The following LRP1B variants were observed in gnomAD, a reference collection of about 807,000 sequenced individuals.
The protein encoded by LRP1B is low-density lipoprotein receptor-related protein 1B.
In LRP1B, 217 loss-of-function variants were observed where a neutral mutation model predicts 556.6. The ratio of observed to expected loss-of-function variants is 0.39; its 90% confidence interval spans 0.35 to 0.44. The LOEUF is 0.44. LRP1B is among the 20% of genes least tolerant of loss of function. The pLI, the probability that LRP1B is intolerant of heterozygous loss-of-function variation, is 1.00. For synonymous variants in LRP1B, 2,047 were observed against 1,865.8 expected, an observed-to-expected ratio of 1.10 and a Z score of -2.50; for missense variants, 5,053 against 5,620.8, an observed-to-expected ratio of 0.90 and a Z score of 3.23.
intron 3 of LRP1B, among the ~76,000 whole-genome samples, chr2:141,456,146 G>C (rs1681620595): frequency 6.6e-6 from 1 of 152,212 alleles, no homozygotes. Context: ...CAGTACTATA[G>C]CGTTTTCCCT....
chr2:141,876,294 G>A (rs984299262), intron 1 of LRP1B, among the ~76,000 whole-genome samples: 3 of 151,824 alleles, frequency 2.0e-5, no homozygotes, highest in African/African-American at 7.2e-5. Context: ...AAAATCAGTT[G>A]TTTATATTTT....
chr2:141,566,381 T>A (rs1686332354), intron 2 of LRP1B, among the ~76,000 whole-genome samples: 1 of 152,158 alleles, frequency 6.6e-6, no homozygotes, highest in Non-Finnish European at 1.5e-5. Flanking sequence ...GTAGAAATAG[T>A]GACTTTATGC....
At chr2:141,225,167 A>G (rs1283100828) in intron 6 of LRP1B, among the ~76,000 whole-genome samples, 1 of 152,132 alleles carries the variant, frequency 6.6e-6, no homozygotes, top group Admixed American at 6.6e-5. Flanking sequence ...ATAAGCAGTT[A>G]TTTTATTTTT....
At chr2:140,331,706 T>TATAA (rs1553448649) in intron 79 of LRP1B, among the ~76,000 whole-genome samples, 2 of 146,954 alleles carry the variant, frequency 1.4e-5, no homozygotes, top group East Asian at 4.0e-4. Flanking sequence ...TATATATATA[T>TATAA]AATTTTAAAA....
chr2:141,399,238 A>G (rs1259713354), intron 3 of LRP1B, among the ~76,000 whole-genome samples: 1 of 141,824 alleles, frequency 7.1e-6, no homozygotes, highest in Admixed American at 6.8e-5. Flanking sequence ...CCTGGGAGAC[A>G]GAGCGGGACT....
chr2:140,770,277 C>A (rs111442267), intron 34 of LRP1B, among the ~76,000 whole-genome samples: 3,564 of 151,790 alleles, frequency 0.023, 76 homozygotes, highest in South Asian at 0.098. Context: ...AATGATAATA[C>A]ATATATAGAT....
chr2:140,804,648 A>ATTTTTTTTTTTTTTTTTTTTTTTTTT (rs1690646115), intron 32 of LRP1B, among the ~76,000 whole-genome samples: 2 of 103,892 alleles, frequency 1.9e-5, no homozygotes, highest in Non-Finnish European at 3.8e-5. Flanking sequence ...GGTAAAAACT[A>ATTTTTTTTTTTTTTTTTTTTTTTTTT]ATTTTTTTTT....
At chr2:140,487,818 A>T in intron 57 of LRP1B, 79 bp from the exon 58 acceptor site, 1 of 917,758 alleles carries the variant, frequency 1.1e-6, no homozygotes, top group South Asian at 1.6e-5. Context: ...TACAGGAATC[A>T]CTGTCTTCCT....
chr2:141,514,395 G>A (rs183573161), intron 2 of LRP1B, among the ~76,000 whole-genome samples: 3 of 152,176 alleles, frequency 2.0e-5, no homozygotes, highest in South Asian at 2.1e-4. Context: ...CCCCTTTCTC[G>A]TTGGCCCTGC....
chr2:141,619,442 T>C (rs1688425503), intron 2 of LRP1B, among the ~76,000 whole-genome samples: 1 of 152,078 alleles, frequency 6.6e-6, no homozygotes, highest in South Asian at 2.1e-4. Flanking sequence ...ACTGAAGAGG[T>C]AGGATCTGGA....
chr2:141,774,378 CGA>C (rs1694992033), intron 2 of LRP1B, among the ~76,000 whole-genome samples: 1 of 151,906 alleles, frequency 6.6e-6, no homozygotes, highest in South Asian at 2.1e-4. Flanking sequence ...TATTACATGG[CGA>C]GAGAGAGGGG....
At chr2:141,131,239 T>C (rs1161390144) in intron 7 of LRP1B, among the ~76,000 whole-genome samples, 1 of 151,902 alleles carries the variant, frequency 6.6e-6, no homozygotes, top group African/African-American at 2.4e-5. Context: ...AAAACATTGG[T>C]ATATCTATTC....
At chr2:140,388,823 A>G (rs1053933774) in intron 66 of LRP1B, among the ~76,000 whole-genome samples, 1 of 152,178 alleles carries the variant, frequency 6.6e-6, no homozygotes, top group Non-Finnish European at 1.5e-5. Context: ...GGAACTTTAA[A>G]ATATCTCTTT....
intron 3 of LRP1B, among the ~76,000 whole-genome samples, chr2:141,425,191 T>C (rs1243644804): frequency 6.6e-6 from 1 of 151,924 alleles, no homozygotes; most frequent in African/African-American, 2.4e-5. Flanking sequence ...GTCCTTGCGA[T>C]AGTTTACTGA....
chr2:140,581,543 C>G (rs192590597), intron 43 of LRP1B, among the ~76,000 whole-genome samples: 6 of 146,186 alleles, frequency 4.1e-5, no homozygotes, highest in Non-Finnish European at 9.3e-5. Flanking sequence ...AATGTCTTCA[C>G]GTTTTTTGTC....
intron 2 of LRP1B, among the ~76,000 whole-genome samples, chr2:141,711,919 T>A (rs1408532118): frequency 2.0e-5 from 3 of 150,724 alleles, no homozygotes; most frequent in African/African-American, 7.4e-5. Context: ...CCCTCTTCTT[T>A]TTCTCTCTCT....
intron 1 of LRP1B, among the ~76,000 whole-genome samples, chr2:141,997,547 A>G (rs1702534171): frequency 6.7e-6 from 1 of 148,848 alleles, no homozygotes. Flanking sequence ...TGGTGGCTCA[A>G]TCTTGGTTCA....
chr2:141,124,206 T>G (rs1486628928), intron 7 of LRP1B, among the ~76,000 whole-genome samples: 1 of 152,020 alleles, frequency 6.6e-6, no homozygotes, highest in Non-Finnish European at 1.5e-5. Flanking sequence ...ATAAAGTAGG[T>G]GATCTCACCA....
In LRP1B at chr2:140,291,318, A is replaced by ATATATATTTT. The variant is rs369391920; in HGVS notation, c.12967+6489_12967+6490insAAAATATATA. The stretch of plus-strand genomic sequence containing the variant: ...TTATTTTATATATATATATATATAT[A>ATATATATTTT]TTTTTATTATACTTTAAGTTCTAGG... On this transcript the variant is annotated intron_variant, in intron 84 of 90. Coordinates refer to ENST00000389484, the MANE Select transcript of LRP1B (RefSeq NM_018557.3). Among the ~76,000 whole-genome samples the ATATATATTTT allele has an allele frequency of 5.9e-4, 65 of 109,320 alleles. 1 individual carries two copies. The highest frequency in any genetic ancestry group is 1.7e-3 in the African/African-American group (57 of 33,812). 71.7% of individuals were successfully genotyped at this position (109,320 alleles called of 152,430 possible).
Sources: allele counts gnomAD v4.1 joint callset (sites outside exome capture counted in the v4.1 genomes callset), GRCh38; gene constraint gnomAD v4.1.1; transcripts MANE v1.5; gene names NCBI Gene and HGNC (gene_info 2026-07-23, HGNC 2026-07-21).